Variants in GRIPAP1 observed in about 807,000 individuals in gnomAD.
The protein encoded by GRIPAP1 is GRIP1-associated protein 1.
A neutral mutation model predicts 84.1 loss-of-function variants in GRIPAP1; 14 were observed. The ratio of observed to expected loss-of-function variants is 0.17; its 90% CI spans 0.11 to 0.26. GRIPAP1 has a LOEUF of 0.26. Ranked by LOEUF, GRIPAP1 falls within the 10% of genes least tolerant of loss-of-function variation. GRIPAP1 has a pLI of 1.00. For missense variants in GRIPAP1, 518 were observed against 674.2 expected (o/e 0.77, Z 2.57); for synonymous variants, 261 against 256.8 (o/e 1.02, Z -0.15).
Position 48,987,036 on chromosome X carries a change from C to T in GRIPAP1, c.1041+749G>A, listed in dbSNP as rs782775108. 4.8e-5 allele frequency among the ~76,000 whole-genome samples: 5 copies of T among 103,942 alleles called. No individual in the cohort carries two copies. In the South Asian group the frequency reaches 1.3e-3, roughly 27 times the overall value. 90.3% of individuals were successfully genotyped at this position (103,942 alleles called of 115,157 possible). ...GCTAATTTTGTATTTTTAGTAGAGA[C>T]GGGGTTTCTCTATGTTGGTCAGGCT... is the stretch of plus-strand genomic sequence containing the variant. On this transcript the variant is annotated intron_variant, in intron 13 of 25. Transcript: ENST00000376423.
intron 5 of GRIPAP1, among the ~76,000 whole-genome samples, chrX:48,995,979 T>C (rs1557066652): frequency 8.9e-6 from 1 of 112,242 alleles, no homozygotes; most frequent in East Asian, 2.8e-4. Flanking sequence ...CCATAGCTGA[T>C]ACTATGTGCA....
At chrX:48,987,592 A>T in intron 13 of GRIPAP1, among the ~76,000 whole-genome samples, 193 bp downstream of exon 13, 1 of 105,934 alleles carries the variant, frequency 9.4e-6, no homozygotes, top group African/African-American at 3.4e-5. Flanking sequence ...AAAATTTTTA[A>T]AAGTTAAAAA....
chrX:48,988,355 G>A (rs2064503603), intron 11 of GRIPAP1, 157 bp from the exon 12 acceptor site: 2 of 455,224 alleles, frequency 4.4e-6, no homozygotes, highest in Non-Finnish European at 7.8e-6. Flanking sequence ...CCAGACGCCA[G>A]GTCACTACCC....
At chrX:48,997,211 A>C in intron 5 of GRIPAP1, 39 bp downstream of exon 5, 2 of 740,486 alleles carry the variant, frequency 2.7e-6, no homozygotes, top group Non-Finnish European at 4.1e-6. Context: ...GATGACCCCT[A>C]CCCCTCATTT....
chrX:48,991,212 A>ACAGG, intron 6 of GRIPAP1, 102 bp from the exon 7 acceptor site: 2 of 574,864 alleles, frequency 3.5e-6, no homozygotes, highest in Non-Finnish European at 6.0e-6. Context: ...CTCAGGTGGC[A>ACAGG]GAGTCCCTGT....
At chrX:48,980,225 TTGTGTGTG>T (rs781796368) in intron 21 of GRIPAP1, among the ~76,000 whole-genome samples, 202 of 90,531 alleles carry the variant, frequency 2.2e-3, no homozygotes, top group African/African-American at 4.2e-3. Flanking sequence ...GCAACTAAAG[TTGTGTGTG>T]TGTGTGTGTG....
intron 3 of GRIPAP1, 96 bp from the exon 4 acceptor site, chrX:48,998,276 C>T: frequency 1.7e-6 from 1 of 583,818 alleles, no homozygotes; most frequent in Non-Finnish European, 2.9e-6. Context: ...TTTGGGAGGA[C>T]AAGGATGACA....
At chrX:48,988,471 C>G (rs1049565051) in intron 11 of GRIPAP1, 10 of 345,242 alleles carry the variant, frequency 2.9e-5, no homozygotes, top group Admixed American at 4.6e-5. Flanking sequence ...CACTCAGCTC[C>G]CATCCATAAG....
intron 1 of GRIPAP1, among the ~76,000 whole-genome samples, chrX:49,000,264 C>A (rs1202548687): frequency 1.0e-5 from 1 of 97,190 alleles, no homozygotes; most frequent in South Asian, 5.6e-4. Context: ...ACTCGGGAGG[C>A]TGAGGCAGGA....
chrX:48,992,404 A>C (rs1355375481), intron 6 of GRIPAP1, among the ~76,000 whole-genome samples: 1 of 112,287 alleles, frequency 8.9e-6, no homozygotes, highest in Non-Finnish European at 1.9e-5. Context: ...AGCCTCCCAG[A>C]GTGCTGGAAT....
In GRIPAP1 at chrX:48,990,430, G is replaced by T. The variant is rs1286993104; in HGVS notation, c.690+255C>A. Among the ~76,000 whole-genome samples, 11 of 112,337 alleles carry T rather than the reference G, an allele frequency of 9.8e-5. No homozygotes were observed. The Admixed American group carries it at 1.0e-3, about 11-fold the overall frequency. On this transcript the variant is annotated intron_variant, in intron 8 of 25. Coordinates refer to ENST00000376423, the MANE Select transcript of GRIPAP1 (RefSeq NM_020137.5). ...GGAGTCTGTAAATGCTTGCATGAAT[G>T]AATGAATGAGTGAATGGGCAAAGCT...
chrX:48,989,241 C>A (rs782363536), intron 11 of GRIPAP1, among the ~76,000 whole-genome samples: 1 of 111,154 alleles, frequency 9.0e-6, no homozygotes, highest in Non-Finnish European at 1.9e-5. Flanking sequence ...GACATCCCAG[C>A]CCCTAAAGAT....
intron 13 of GRIPAP1, 82 bp from the exon 14 acceptor site, chrX:48,985,484 GGA>G: frequency 1.2e-6 from 1 of 845,492 alleles, no homozygotes; most frequent in Non-Finnish European, 1.7e-6. Context: ...CTAGTTCCAG[GGA>G]AACAGGGAGG....
At chrX:48,981,738 C>T (rs2064458591) in intron 18 of GRIPAP1, 47 bp from the exon 19 acceptor site, 10 of 1,167,872 alleles carry the variant, frequency 8.6e-6, no homozygotes, top group Non-Finnish European at 1.2e-5. Flanking sequence ...AAGCCTCTGT[C>T]CTCCCAGGAG....
intron 24 of GRIPAP1, 134 bp downstream of exon 24, chrX:48,975,884 C>T (rs904810997): frequency 8.1e-6 from 4 of 496,479 alleles, no homozygotes; most frequent in Non-Finnish European, 1.4e-5. Context: ...CCTGTTCTCC[C>T]CTCCACAGGC....
chrX:48,980,899 G>A (rs1288305000), intron 21 of GRIPAP1: 2 of 271,500 alleles, frequency 7.4e-6, no homozygotes, highest in African/African-American at 2.9e-5. Flanking sequence ...AAAAAAAAGA[G>A]AGAGAAAAGG....
At chrX:48,976,441 G>A in intron 22 of GRIPAP1, 78 bp from the exon 23 acceptor site, 1 of 1,098,816 alleles carries the variant, frequency 9.1e-7, no homozygotes, top group Non-Finnish European at 1.2e-6. Flanking sequence ...GACTGGGGAG[G>A]AGAACCAGGC....
Position 48,981,317 on chromosome X carries a change from G to A in GRIPAP1, c.1831-3C>T, listed in dbSNP as rs782798641. 2.5e-6 allele frequency: 3 copies of A among 1,206,364 alleles called. No homozygotes were observed. Among genetic ancestry groups the A allele is most frequent in the Non-Finnish European group, 3.4e-6 (3 of 892,248 alleles). On this transcript the variant is annotated splice_polypyrimidine_tract_variant and splice_region_variant and intron_variant, in intron 20 of 25. Coordinates refer to ENST00000376423, the MANE Select transcript of GRIPAP1 (RefSeq NM_020137.5). ...AGCTGCCGCTTGAGGTCCTTGAGCT[G>A]TGGGGGACAGGGGTAACATGAGGAC...
At chrX:48,988,462 A>C in intron 11 of GRIPAP1, 1 of 353,585 alleles carries the variant, frequency 2.8e-6, no homozygotes, top group Non-Finnish European at 5.0e-6. Flanking sequence ...GTTCAAACTC[A>C]CTCAGCTCCC....
Sources: gnomAD v4.1 joint callset for allele counts (sites outside exome capture counted in the v4.1 genomes callset) on GRCh38, gnomAD v4.1.1 for gene constraint, MANE v1.5 for transcripts, NCBI Gene and HGNC (gene_info 2026-07-23, HGNC 2026-07-21) for gene names.